RAD51B: variants seen among roughly 807,000 people sequenced by gnomAD.
RAD51B encodes RAD51 paralog B, also known as DNA repair protein RAD51 homolog 2.
In RAD51B, 38 loss-of-function variants were observed where a neutral mutation model predicts 42.2. That is an observed-to-expected ratio of 0.90 (90% CI 0.70 to 1.18). The LOEUF (loss-of-function observed/expected upper bound fraction) is 1.18, where lower values mean the gene tolerates loss of function less well. RAD51B is among the 50% of genes most tolerant of loss of function. The pLI is 0.00. For missense variants in RAD51B, 373 were observed against 400.7 expected (o/e 0.93, Z 0.59); for synonymous variants, 154 against 145.2 (o/e 1.06, Z -0.43).
At chr14:68,129,710 C>T (rs555223374) in intron 7 of RAD51B, among the ~76,000 whole-genome samples, 1 of 152,272 alleles carries the variant, frequency 6.6e-6, no homozygotes, top group Non-Finnish European at 1.5e-5. Flanking sequence ...GTTGCCTGTG[C>T]CTACAAGCAG....
chr14:68,107,212 A>G (rs1242461226), intron 7 of RAD51B, among the ~76,000 whole-genome samples: 1 of 151,848 alleles, frequency 6.6e-6, no homozygotes, highest in Non-Finnish European at 1.5e-5. Context: ...TTAGTGCTCC[A>G]TGAGAGCTAG....
intron 7 of RAD51B, among the ~76,000 whole-genome samples, chr14:68,130,872 TTGTGTGTGTGGGTGTGTGTTTGTGTG>T (rs2077875500): frequency 6.6e-6 from 1 of 151,890 alleles, no homozygotes; most frequent in Non-Finnish European, 1.5e-5. Flanking sequence ...ATGGCTGACT[TTGTGTGTGTGGGTGTGTGTTTGTGTG>T]TGTGTGTGTG....
At chr14:68,607,571 G>T (rs528866548) in intron 10 of RAD51B, among the ~76,000 whole-genome samples, 1 of 152,210 alleles carries the variant, frequency 6.6e-6, no homozygotes, top group Admixed American at 6.5e-5. Flanking sequence ...CTTCTGCCGA[G>T]CTTAAGTGCA....
chr14:68,112,133 A>G (rs1262188623), intron 7 of RAD51B, among the ~76,000 whole-genome samples: 2 of 152,096 alleles, frequency 1.3e-5, no homozygotes, highest in African/African-American at 4.8e-5. Context: ...TGGAAGCATA[A>G]CTTAGTCACA....
chr14:68,383,353 G>T (rs1402125847), intron 8 of RAD51B, among the ~76,000 whole-genome samples: 1 of 152,110 alleles, frequency 6.6e-6, no homozygotes, highest in Admixed American at 6.5e-5. Context: ...GGATGCTACT[G>T]GTGTCTACCC....
chr14:68,199,003 T>G (rs2079429595), intron 7 of RAD51B, among the ~76,000 whole-genome samples: 1 of 152,220 alleles, frequency 6.6e-6, no homozygotes, highest in African/African-American at 2.4e-5. Flanking sequence ...GAGTTTGCCC[T>G]CTCTCCTACA....
chr14:68,220,969 A>G (rs1403889009), intron 7 of RAD51B, among the ~76,000 whole-genome samples: 1 of 152,016 alleles, frequency 6.6e-6, no homozygotes, highest in East Asian at 1.9e-4. Flanking sequence ...TGTCTTTACT[A>G]AAAATACAAA....
At chr14:68,340,516 G>A (rs533268661) in intron 8 of RAD51B, among the ~76,000 whole-genome samples, 15 of 152,288 alleles carry the variant, frequency 9.8e-5, no homozygotes, top group African/African-American at 3.1e-4. Context: ...GCCTTTGCTA[G>A]CCATGCTTTT....
chr14:67,996,428 A>G (rs926018458), intron 7 of RAD51B, among the ~76,000 whole-genome samples: 1 of 150,962 alleles, frequency 6.6e-6, no homozygotes, highest in African/African-American at 2.4e-5. Context: ...ATAAATAAAT[A>G]AATAAATAAA....
At chr14:68,202,233 T>C (rs945418332) in intron 7 of RAD51B, among the ~76,000 whole-genome samples, 3 of 152,220 alleles carry the variant, frequency 2.0e-5, no homozygotes, top group African/African-American at 7.2e-5. Flanking sequence ...TGCCTGGATG[T>C]TAGTGGCTGC....
At chr14:68,469,546 T>C (rs1388940144) in intron 10 of RAD51B, among the ~76,000 whole-genome samples, 1 of 152,220 alleles carries the variant, frequency 6.6e-6, no homozygotes, top group Admixed American at 6.5e-5. Context: ...TTGCAAATAG[T>C]GTTTTCTGAC....
intron 7 of RAD51B, among the ~76,000 whole-genome samples, chr14:67,927,703 A>ATG (rs35189653): frequency 0.13 from 17,641 of 137,302 alleles, 1,567 homozygotes; most frequent in African/African-American, 0.27. Context: ...ATTTCATTGT[A>ATG]TGTGTGTGTG....
chr14:68,589,182 CAG>C (rs1890626361), intron 10 of RAD51B, among the ~76,000 whole-genome samples: 1 of 152,180 alleles, frequency 6.6e-6, no homozygotes, highest in African/African-American at 2.4e-5. Flanking sequence ...GAACATGGTA[CAG>C]AGAGTGGAAT....
At chr14:68,241,396 G>T (rs1238829019) in intron 7 of RAD51B, among the ~76,000 whole-genome samples, 2 of 152,124 alleles carry the variant, frequency 1.3e-5, no homozygotes, top group South Asian at 4.1e-4. Context: ...CAAAAAATTA[G>T]CTGGGTATGG....
chr14:68,301,592 G>GTTTT (rs139865933), intron 8 of RAD51B, among the ~76,000 whole-genome samples: 35 of 109,754 alleles, frequency 3.2e-4, no homozygotes, highest in African/African-American at 5.9e-4. Flanking sequence ...TTGTTTGTGT[G>GTTTT]TTTTTTTTTT....
At chr14:68,314,881 T>C (rs897059001) in intron 8 of RAD51B, among the ~76,000 whole-genome samples, 7 of 152,172 alleles carry the variant, frequency 4.6e-5, no homozygotes, top group African/African-American at 1.4e-4. Context: ...CAGAACCCAG[T>C]TGGTTTTCTG....
chr14:68,336,369 A>G (rs1376323290), intron 8 of RAD51B, among the ~76,000 whole-genome samples: 1 of 152,206 alleles, frequency 6.6e-6, no homozygotes, highest in Non-Finnish European at 1.5e-5. Flanking sequence ...TCCTAGAATG[A>G]TGTCATACAT....
At chr14:67,826,843 C>T (rs1182642821) in intron 3 of RAD51B, among the ~76,000 whole-genome samples, 2 of 152,084 alleles carry the variant, frequency 1.3e-5, no homozygotes, top group South Asian at 4.1e-4. Context: ...CCACCATGCC[C>T]AACTACGTTT....
chr14:68,440,753 A>AAAAG lies in RAD51B; in HGVS notation c.958-27398_958-27395dup, dbSNP rs548379344. On this transcript the variant is annotated intron_variant, in intron 9 of 10. Transcript: ENST00000471583. ...AAGAGCGAAACTCCATCTCAAAAAA[A>AAAAG]AAAGAAAGAAAGAAAGAAAGAAAGT... 5.6e-3 allele frequency among the ~76,000 whole-genome samples: 847 copies of AAAAG among 152,116 alleles called. 10 individuals carry two copies. The highest frequency in any genetic ancestry group is 0.018 in the African/African-American group (744 of 41,442).
Sources: allele counts gnomAD v4.1 joint callset (sites outside exome capture counted in the v4.1 genomes callset), GRCh38; gene constraint gnomAD v4.1.1; transcripts MANE v1.5; gene names NCBI Gene and HGNC (gene_info 2026-07-23, HGNC 2026-07-21).